Variants in ENC1 observed in about 807,000 individuals in gnomAD.
ENC1 encodes the protein ectoderm-neural cortex protein 1.
In ENC1, 19 loss-of-function variants were observed where a neutral mutation model predicts 40.9. The observed-to-expected ratio is 0.46, with a 90% confidence interval of 0.32 to 0.68. The LOEUF is 0.68. ENC1 is among the 30% of genes least tolerant of loss of function. The probability of loss-of-function intolerance (pLI) is 0.03; values close to 1 mark genes in which losing one functional copy is unlikely to be tolerated. For synonymous variants in ENC1, 285 were observed against 291.1 expected, an observed-to-expected ratio of 0.98 and a Z score of 0.21; for missense variants, 479 against 737.5, an observed-to-expected ratio of 0.65 and a Z score of 4.06.
chr5:74,630,913 A>G (rs1381672559), intron 2 of ENC1, among the ~76,000 whole-genome samples: 1 of 152,222 alleles, frequency 6.6e-6, no homozygotes, highest in Non-Finnish European at 1.5e-5. Context: ...TTGTGTGTTC[A>G]GAAGCCTGAT....
chr5:74,634,805 T>C lies in ENC1; in HGVS notation c.1681A>G (p.Thr561Ala). The C allele has an allele frequency of 6.2e-7, 1 of 1,614,118 alleles. No homozygotes were observed. Among genetic ancestry groups the C allele is most frequent in the Non-Finnish European group, 8.5e-7 (1 of 1,179,944 alleles). Residue 561 changes from threonine to alanine, a missense_variant, in exon 2 of 3, where the codon ACA becomes GCA. Transcript: ENST00000302351. ...RCKTLDCYDPTLDVWNSITTV... is the reference protein window; with the variant it reads ...RCKTLDCYDPALDVWNSITTV... Reference sequence around the variant, plus strand: ...GTGATGCTGTTCCACACGTCTAATGTTGGATCGTAGCAGTCCAAAGTCTTG... The same window carrying C: ...GTGATGCTGTTCCACACGTCTAATGCTGGATCGTAGCAGTCCAAAGTCTTG...
intron 1 of ENC1, among the ~76,000 whole-genome samples, chr5:74,639,756 C>A (rs1747767854): frequency 6.6e-6 from 1 of 152,204 alleles, no homozygotes; most frequent in Non-Finnish European, 1.5e-5. Flanking sequence ...AATTCCTATC[C>A]TTTGTAACTA....
chr5:74,630,035 T>G (rs563452276), intron 2 of ENC1, 43 bp from the exon 3 acceptor site: 2 of 152,204 alleles, frequency 1.3e-5, no homozygotes, highest in Non-Finnish European at 2.9e-5. Context: ...CAAAAAAGCA[T>G]GAAGGATTTG....
intron 1 of ENC1, among the ~76,000 whole-genome samples, chr5:74,638,999 A>G (rs1747719469): frequency 2.0e-5 from 3 of 152,222 alleles, no homozygotes; most frequent in South Asian, 2.1e-4. Flanking sequence ...ACCTTAGGAT[A>G]TAGGATCTAC....
intron 2 of ENC1, among the ~76,000 whole-genome samples, chr5:74,630,888 C>CTGAA (rs1172883932): frequency 1.3e-5 from 2 of 152,166 alleles, no homozygotes; most frequent in East Asian, 3.8e-4. Context: ...TGACCTTGCA[C>CTGAA]TGAATTCTTT....
rs749528223 is a variant in ENC1 at position 74,635,301 on chromosome 5, C to T, written c.1185G>A (p.Gly395=). The part of the protein sequence containing the change: ...ELKHCLYVVG[G]HTAATGCLPA... ...GGAGGCAGCCAGTTGCGGCCGTGTG[C>T]CCCCCAACCACATACAGGCAGTGCT... The change falls in exon 2 of 3, where the codon GGG becomes GGA. Residue 395 remains glycine (G), a synonymous_variant. Coordinates refer to ENST00000302351, the MANE Select transcript of ENC1 (RefSeq NM_003633.4). This position sits in a 1 kb window ranked among gnomAD's most constrained non-coding sequence, Gnocchi z 5.5. 9 of 1,613,936 alleles carry T rather than the reference C, an allele frequency of 5.6e-6. No homozygotes were observed. Among genetic ancestry groups the T allele is most frequent in the South Asian group, 1.1e-5 (1 of 91,072 alleles).
chr5:74,633,161 C>T (rs1561191486), intron 2 of ENC1, among the ~76,000 whole-genome samples: 1 of 152,226 alleles, frequency 6.6e-6, no homozygotes. Flanking sequence ...CAAGTCAACA[C>T]ATCCTGTGTG....
In ENC1 at chr5:74,629,277, G is replaced by C. The variant is rs907308434; in HGVS notation, c.*748C>G. The C allele has an allele frequency of 6.6e-6, 1 of 151,390 alleles. No homozygotes were observed. Among genetic ancestry groups the C allele is most frequent in the Non-Finnish European group, 1.5e-5 (1 of 67,876 alleles). 9.4% of individuals were successfully genotyped at this position (151,390 alleles called of 1,614,324 possible). ...TCAACAGCCACAAAATGTGCAAAAC[G>C]TACAACCATTCACACACGTCCATAC... On this transcript the variant is annotated 3_prime_UTR_variant, in exon 3 of 3. Coordinates refer to ENST00000302351, the MANE Select transcript of ENC1 (RefSeq NM_003633.4).
rs374921277 is a variant in ENC1, at chr5:74,635,481, T to C, written c.1005A>G (p.Ala335=). The change falls in exon 2 of 3, where the codon GCA becomes GCG. Residue 335 remains alanine, a synonymous_variant. Transcript: ENST00000302351. The surrounding 1 kb of genome is among the most constrained non-coding windows in gnomAD (Gnocchi z 5.5). ...DIPSPRKEFS[A]CAIGCKVYIT... is the part of the protein sequence containing the mutation. The stretch of plus-strand genomic sequence containing the variant: ...TGTACACTTTGCAGCCAATCGCACA[T>C]GCACTAAACTCTTTTCTTGGGCTGG... 6.2e-7 allele frequency: 1 copy of C among 1,614,022 alleles called. No individual in the cohort carries two copies. Among genetic ancestry groups the C allele is most frequent in the African/African-American group, 1.3e-5 (1 of 74,924 alleles).
chr5:74,636,399 A>G lies in ENC1; in HGVS notation c.87T>C (p.Ala29=), dbSNP rs1458808982. The G allele has an allele frequency of 2.5e-6, 4 of 1,614,190 alleles. No individual in the cohort carries two copies. The highest frequency in any genetic ancestry group is 3.4e-6 in the Non-Finnish European group (4 of 1,180,026). ...NIYLFHKSSY[A]DSVLTHLNLL... The stretch of plus-strand genomic sequence containing the variant: ...GATTCAGGTGAGTGAGGACGCTGTC[A>G]GCGTAGGAGGACTTGTGAAACAGAT... Residue 29 remains alanine (A), a synonymous_variant, in exon 2 of 3, where the codon GCT becomes GCC. Coordinates refer to ENST00000302351, the MANE Select transcript of ENC1 (RefSeq NM_003633.4). The surrounding 1 kb of genome is among the most constrained non-coding windows in gnomAD (Gnocchi z 4.8).
Position 74,636,057 on chromosome 5 carries a change from G to T in ENC1, c.429C>A (p.Asn143Lys), listed in dbSNP as rs907040399. The change falls in exon 2 of 3, where the codon AAC (asparagine) becomes AAA (lysine). Residue 143 changes from asparagine to lysine, a missense_variant. Asn to Lys is a moderately conservative substitution (Grantham distance 94). Coordinates refer to ENST00000302351, the MANE Select transcript of ENC1 (RefSeq NM_003633.4). This position sits in a 1 kb window ranked among gnomAD's most constrained non-coding sequence, Gnocchi z 4.8. The part of the protein sequence containing the change: ...RDACAEFLEK[N>K]LHPTNCLGML... ...TGCCCAGGCAGTTGGTGGGATGCAG[G>T]TTCTTTTCCAGGAACTCTGCACATG... The T allele has an allele frequency of 6.2e-7, 1 of 1,614,168 alleles. No homozygotes were observed. Among genetic ancestry groups the T allele is most frequent in the Non-Finnish European group, 8.5e-7 (1 of 1,180,026 alleles).
At chr5:74,633,669 T>C (rs556440461) in intron 2 of ENC1, among the ~76,000 whole-genome samples, 3 of 152,348 alleles carry the variant, frequency 2.0e-5, no homozygotes, top group African/African-American at 7.2e-5. Flanking sequence ...TGAATATAAA[T>C]GAAGTATCAC....
In ENC1 at chr5:74,627,479, T is replaced by C. The variant is rs1490912282; in HGVS notation, c.*2546A>G. 6.6e-6 allele frequency: 1 copy of C among 152,576 alleles called. No homozygotes were observed. The highest frequency in any genetic ancestry group is 1.5e-5 in the Non-Finnish European group (1 of 68,026). 9.5% of individuals were successfully genotyped at this position (152,576 alleles called of 1,614,324 possible). ...GTGAAAAAAAAAAAAATAACAGTTT[T>C]ACAAAACCTCAAAATGTAGTCATAG... On this transcript the variant is annotated 3_prime_UTR_variant, in exon 3 of 3. Transcript: ENST00000302351.
chr5:74,636,113 C>A lies in ENC1; in HGVS notation c.373G>T (p.Asp125Tyr). 1 of 1,614,188 alleles carries A rather than the reference C, an allele frequency of 6.2e-7. No individual in the cohort carries two copies. Among genetic ancestry groups the A allele is most frequent in the Middle Eastern group, 1.6e-4 (1 of 6,062 alleles). ...ENAESLLEAG[D>Y]MLEFQDIRDA... ...CGGATGTCTTGAAACTCCAGCATGTCACCAGCTTCCAGGAGCGATTCTGCA... is the reference window on the plus strand; with the variant it reads ...CGGATGTCTTGAAACTCCAGCATGTAACCAGCTTCCAGGAGCGATTCTGCA... Residue 125 changes from aspartate (D) to tyrosine (Y), a missense_variant, in exon 2 of 3, where the codon GAC becomes TAC. Transcript: ENST00000302351. This position sits in a 1 kb window ranked among gnomAD's most constrained non-coding sequence, Gnocchi z 4.8.
intron 1 of ENC1, among the ~76,000 whole-genome samples, chr5:74,639,380 A>G (rs74799137): frequency 0.022 from 3,340 of 152,300 alleles, 130 homozygotes; most frequent in African/African-American, 0.077. Flanking sequence ...TACTTAACCT[A>G]CGTCTGCAAA....
chr5:74,640,648 C>T lies in ENC1; in HGVS notation c.-355G>A. The T allele has an allele frequency of 6.6e-6, 1 of 152,348 alleles. No individual in the cohort carries two copies. Among genetic ancestry groups the T allele is most frequent in the South Asian group, 2.1e-4 (1 of 4,826 alleles). 9.4% of individuals were successfully genotyped at this position (152,348 alleles called of 1,614,324 possible). On this transcript the variant is annotated 5_prime_UTR_variant, in exon 1 of 3. Transcript: ENST00000302351. ...GGGAGCTAGAAAGCGCCTTGTGTGC[C>T]GGCGGCCGCCAGGCGTCTGGACCGG...
chr5:74,631,975 A>G (rs1455502755), intron 2 of ENC1, among the ~76,000 whole-genome samples: 1 of 152,196 alleles, frequency 6.6e-6, no homozygotes, highest in African/African-American at 2.4e-5. Flanking sequence ...TCCCCTATCA[A>G]TTGACCCAAG....
chr5:74,632,700 A>C (rs1286848683), intron 2 of ENC1, among the ~76,000 whole-genome samples: 1 of 152,176 alleles, frequency 6.6e-6, no homozygotes, highest in Non-Finnish European at 1.5e-5. Context: ...CTAAAAATAC[A>C]AAAAAGCCCG....
Position 74,635,178 on chromosome 5 carries a change from G to A in ENC1, c.1308C>T (p.Asn436=), listed in dbSNP as rs147620275. The change falls in exon 2 of 3, where the codon AAC becomes AAT. Residue 436 remains asparagine (N), a synonymous_variant. Transcript: ENST00000302351. The surrounding 1 kb of genome is among the most constrained non-coding windows in gnomAD (Gnocchi z 5.5). ...TAAGTTTGGCACTCACTACTGCGGC[G>A]TTGCTAACGCCTTCTCGGAGTGGGG... The part of the protein sequence containing the change: ...MVAPLREGVS[N]AAVVSAKLKL... 1.9e-5 allele frequency: 31 copies of A among 1,614,100 alleles called. No individual in the cohort carries two copies. Among genetic ancestry groups the A allele is most frequent in the African/African-American group, 8.0e-5 (6 of 74,948 alleles).
Sources: gnomAD v4.1 joint callset for allele counts (sites outside exome capture counted in the v4.1 genomes callset) on GRCh38, gnomAD v4.1.1 for gene constraint, Gnocchi (gnomAD v3.1) non-coding constraint, MANE v1.5 for transcripts, NCBI Gene and HGNC (gene_info 2026-07-23, HGNC 2026-07-21) for gene names.